The following SH3KBP1 variants were observed in gnomAD, a reference collection of about 807,000 sequenced individuals.
SH3KBP1 encodes SH3 domain-containing kinase-binding protein 1.
A neutral mutation model predicts 50.1 loss-of-function variants in SH3KBP1; 8 were observed. That is an observed-to-expected ratio of 0.16 (90% CI 0.09 to 0.29). The LOEUF (loss-of-function observed/expected upper bound fraction) is 0.29. SH3KBP1 is among the 10% of genes least tolerant of loss of function. The probability of loss-of-function intolerance (pLI) is 1.00; values close to 1 mark genes in which losing one functional copy is unlikely to be tolerated. For synonymous variants in SH3KBP1, 227 were observed against 218.6 expected (o/e 1.04, Z -0.34); for missense variants, 377 against 535.2 (o/e 0.70, Z 2.92).
At chrX:19,730,938 ATTTG>A (rs1451337665) in intron 3 of SH3KBP1, among the ~76,000 whole-genome samples, 6 of 111,430 alleles carry the variant, frequency 5.4e-5, no homozygotes, top group Non-Finnish European at 9.4e-5. Flanking sequence ...TATTTTATTT[ATTTG>A]TTTATTTTTT....
chrX:19,537,676 G>A (rs2064758914), intron 17 of SH3KBP1, 41 bp downstream of exon 17: 5 of 1,140,466 alleles, frequency 4.4e-6, no homozygotes, highest in South Asian at 3.7e-5. Context: ...CTGCCCCACT[G>A]AGCCTAGGAC....
intron 14 of SH3KBP1, among the ~76,000 whole-genome samples, chrX:19,549,084 C>T (rs1188976467): frequency 8.9e-6 from 1 of 111,831 alleles, no homozygotes; most frequent in Non-Finnish European, 1.9e-5. Flanking sequence ...GCTAAACGCT[C>T]ACATACTCAT....
intron 13 of SH3KBP1, among the ~76,000 whole-genome samples, chrX:19,558,124 T>C (rs1024254706): frequency 8.9e-6 from 1 of 112,513 alleles, no homozygotes; most frequent in Non-Finnish European, 1.9e-5. Flanking sequence ...AATTCTCTAT[T>C]GGAAACAGTA....
intron 1 of SH3KBP1, among the ~76,000 whole-genome samples, chrX:19,854,218 C>A (rs898100040): frequency 9.1e-6 from 1 of 110,338 alleles, no homozygotes; most frequent in Non-Finnish European, 1.9e-5. Flanking sequence ...TGGGTTCAAG[C>A]AATTCTCCTG....
intron 1 of SH3KBP1, among the ~76,000 whole-genome samples, chrX:19,869,354 G>A (rs2068978528): frequency 8.9e-6 from 1 of 112,438 alleles, no homozygotes. Context: ...CCTGCAGCTG[G>A]GTGTGAGACT....
In SH3KBP1 at chrX:19,651,163, T is replaced by C. The variant is rs140903912; in HGVS notation, c.727-5688A>G. Among the ~76,000 whole-genome samples, 378 of 110,713 alleles carry C rather than the reference T, an allele frequency of 3.4e-3. 1 individual carries two copies. The highest frequency in any genetic ancestry group is 0.011 in the African/African-American group (348 of 30,373). On this transcript the variant is annotated intron_variant, in intron 6 of 17. Coordinates refer to ENST00000397821, the MANE Select transcript of SH3KBP1 (RefSeq NM_031892.3). ...CAGAGCAGAAGCCCTGTGAGCCAGC[T>C]CAAGTCAAAGCCAGAAAAGAACTAG...
chrX:19,596,653 G>A (rs758914822), intron 9 of SH3KBP1, among the ~76,000 whole-genome samples: 4 of 112,036 alleles, frequency 3.6e-5, no homozygotes, highest in South Asian at 3.7e-4. Flanking sequence ...CTCAAATCCC[G>A]CCACTGCTTT....
intron 9 of SH3KBP1, among the ~76,000 whole-genome samples, chrX:19,596,243 C>T (rs1602603198): frequency 8.9e-6 from 1 of 111,905 alleles, no homozygotes; most frequent in South Asian, 3.7e-4. Flanking sequence ...TGCAATAAAG[C>T]GAGTCACAGG....
chrX:19,574,192 C>T (rs780098731), intron 12 of SH3KBP1, among the ~76,000 whole-genome samples: 3 of 111,635 alleles, frequency 2.7e-5, no homozygotes, highest in South Asian at 3.8e-4. Context: ...CTCTCTTCCT[C>T]GTGTTTCCTG....
intron 9 of SH3KBP1, among the ~76,000 whole-genome samples, chrX:19,599,597 G>A (rs1291846358): frequency 8.9e-6 from 1 of 112,230 alleles, no homozygotes. Flanking sequence ...CTGGCCAGGT[G>A]CCTGCTTTGC....
intron 8 of SH3KBP1, among the ~76,000 whole-genome samples, chrX:19,620,859 T>C (rs145125495): frequency 0.013 from 1,420 of 111,689 alleles, 21 homozygotes; most frequent in African/African-American, 0.044. Context: ...TGAAGTTCAA[T>C]TTGGCAAGTT....
At chrX:19,854,185 G>A (rs1168776451) in intron 1 of SH3KBP1, among the ~76,000 whole-genome samples, 3 of 108,954 alleles carry the variant, frequency 2.8e-5, no homozygotes, top group Non-Finnish European at 5.7e-5. Context: ...GTATGATCTC[G>A]GCTCACTGCA....
chrX:19,815,371 C>T (rs1267540801), intron 2 of SH3KBP1, among the ~76,000 whole-genome samples: 2 of 110,758 alleles, frequency 1.8e-5, no homozygotes, highest in African/African-American at 6.6e-5. Flanking sequence ...TGCATGGAGT[C>T]CCATAAACCC....
intron 1 of SH3KBP1, among the ~76,000 whole-genome samples, chrX:19,858,590 T>C (rs898913616): frequency 8.9e-6 from 1 of 112,410 alleles, no homozygotes. Context: ...ATCATGCCAC[T>C]ATACTCCGGC....
At chrX:19,874,068 A>AAAAAAAAATATATATATATAT (rs1491537486) in intron 1 of SH3KBP1, among the ~76,000 whole-genome samples, 1 of 57,045 alleles carries the variant, frequency 1.8e-5, no homozygotes, top group African/African-American at 1.6e-4. Context: ...AAAAAAAAAA[A>AAAAAAAAATATATATATATAT]ATATATATAT....
chrX:19,616,210 C>T (rs1161428269), intron 8 of SH3KBP1, among the ~76,000 whole-genome samples: 1 of 111,181 alleles, frequency 9.0e-6, no homozygotes, highest in Admixed American at 9.6e-5. Flanking sequence ...GATCTGCCCG[C>T]CTCGGCCCTC....
chrX:19,830,087 G>C (rs1385146237), intron 2 of SH3KBP1, among the ~76,000 whole-genome samples: 2 of 111,070 alleles, frequency 1.8e-5, no homozygotes, highest in African/African-American at 6.6e-5. Context: ...TGTTTTATCA[G>C]CAAGGTCTTT....
chrX:19,798,392 T>C (rs2066786254), intron 2 of SH3KBP1, among the ~76,000 whole-genome samples: 1 of 110,946 alleles, frequency 9.0e-6, no homozygotes, highest in Non-Finnish European at 1.9e-5. Flanking sequence ...TGGCCGAGGT[T>C]TACCTTTTGT....
chrX:19,717,781 C>A (rs2063949266), intron 3 of SH3KBP1, among the ~76,000 whole-genome samples: 1 of 111,494 alleles, frequency 9.0e-6, no homozygotes, highest in Non-Finnish European at 1.9e-5. Context: ...TTTCCTCTTA[C>A]AAACGTATGG....
Sources: allele counts gnomAD v4.1 joint callset (sites outside exome capture counted in the v4.1 genomes callset), GRCh38; gene constraint gnomAD v4.1.1; transcripts MANE v1.5; gene names NCBI Gene and HGNC (gene_info 2026-07-23, HGNC 2026-07-21).